The following WDR7 variants were observed in gnomAD, a reference collection of about 807,000 sequenced individuals.
The protein encoded by WDR7 is WD repeat-containing protein 7.
Under a neutral mutation model 169.4 loss-of-function variants are expected in WDR7, and 46 were observed. That is an observed-to-expected ratio of 0.27 (90% CI 0.21 to 0.35). The LOEUF (loss-of-function observed/expected upper bound fraction) is 0.35. WDR7 is among the 10% of genes least tolerant of loss of function. The pLI, the probability that WDR7 is intolerant of heterozygous loss-of-function variation, is 1.00. For synonymous variants in WDR7, 612 were observed against 666.8 expected (o/e 0.92, Z 1.27); for missense variants, 1,534 against 1,859.3 (o/e 0.83, Z 3.22).
At chr18:56,868,248 T>G (rs1488255610) in intron 20 of WDR7, among the ~76,000 whole-genome samples, 2 of 152,144 alleles carry the variant, frequency 1.3e-5, no homozygotes, top group Non-Finnish European at 2.9e-5. Context: ...TAGTCACATG[T>G]CATTGTTTTA....
At chr18:56,999,321 G>GA (rs1244544161) in intron 26 of WDR7, among the ~76,000 whole-genome samples, 4 of 152,122 alleles carry the variant, frequency 2.6e-5, no homozygotes, top group Non-Finnish European at 4.4e-5. Context: ...ATATAGAAAA[G>GA]TTAAATTTGT....
At chr18:56,958,245 G>C (rs541079490) in intron 25 of WDR7, among the ~76,000 whole-genome samples, 2 of 152,206 alleles carry the variant, frequency 1.3e-5, no homozygotes, top group African/African-American at 4.8e-5. Context: ...ACCCCACTGT[G>C]GGTTGCTCCT....
At chr18:56,687,023 T>C (rs531972875) in intron 7 of WDR7, 49 bp downstream of exon 7, 8 of 1,527,178 alleles carry the variant, frequency 5.2e-6, no homozygotes, top group African/African-American at 4.2e-5. Context: ...CTTCAAGACA[T>C]TGGTTTATCA....
At chr18:56,783,906 C>T (rs1411245873) in intron 19 of WDR7, among the ~76,000 whole-genome samples, 1 of 152,150 alleles carries the variant, frequency 6.6e-6, no homozygotes, top group African/African-American at 2.4e-5. Flanking sequence ...CCACAAATTA[C>T]TCCCTGAAGC....
chr18:56,976,603 C>A (rs2047569034), intron 26 of WDR7, among the ~76,000 whole-genome samples: 1 of 152,346 alleles, frequency 6.6e-6, no homozygotes, highest in African/African-American at 2.4e-5. Flanking sequence ...ATCTCAGCCT[C>A]TTTGGCAGGA....
chr18:56,725,439 T>C (rs7505221), intron 13 of WDR7, among the ~76,000 whole-genome samples: 143,893 of 151,766 alleles, frequency 0.95, 68,693 homozygotes, highest in East Asian at 1. Context: ...CTGTTGGCTG[T>C]ATAAATGTCT....
At chr18:56,822,808 GT>G (rs1311778944) in intron 20 of WDR7, among the ~76,000 whole-genome samples, 1 of 151,954 alleles carries the variant, frequency 6.6e-6, no homozygotes, top group Admixed American at 6.6e-5. Flanking sequence ...TATGGTTTTT[GT>G]TTTTTAACTC....
intron 26 of WDR7, among the ~76,000 whole-genome samples, chr18:56,967,504 C>T (rs1297462556): frequency 6.6e-6 from 1 of 152,054 alleles, no homozygotes; most frequent in African/African-American, 2.4e-5. Flanking sequence ...GACTCCTTAG[C>T]GGTCCAGGCA....
chr18:56,872,499 T>TA (rs1010097671), intron 20 of WDR7, among the ~76,000 whole-genome samples: 2 of 152,208 alleles, frequency 1.3e-5, no homozygotes, highest in Non-Finnish European at 2.9e-5. Flanking sequence ...TGAAGACAAT[T>TA]ACGTACATTT....
chr18:56,694,922 T>G (rs1278462211), intron 10 of WDR7, 28 bp from the exon 11 acceptor site: 1 of 1,576,076 alleles, frequency 6.3e-7, no homozygotes, highest in Non-Finnish European at 8.6e-7. Flanking sequence ...CAAATGTTTT[T>G]CTTTTATACA....
chr18:56,827,514 C>G (rs1276023577), intron 20 of WDR7, among the ~76,000 whole-genome samples: 1 of 151,926 alleles, frequency 6.6e-6, no homozygotes, highest in African/African-American at 2.4e-5. Flanking sequence ...ACTCATGGAC[C>G]TATGTCCATG....
chr18:56,936,109 T>C, intron 23 of WDR7: 1 of 491,030 alleles, frequency 2.0e-6, no homozygotes, highest in South Asian at 3.9e-5. Flanking sequence ...CTTCTGCTTC[T>C]GTATTCATTT....
chr18:56,796,835 A>G (rs2044592759), intron 19 of WDR7, among the ~76,000 whole-genome samples: 1 of 152,210 alleles, frequency 6.6e-6, no homozygotes, highest in East Asian at 1.9e-4. Flanking sequence ...GTCACCTTAA[A>G]TTAAAATCAC....
chr18:56,662,812 A>ACATT (rs2024934034), intron 1 of WDR7, among the ~76,000 whole-genome samples: 1 of 152,252 alleles, frequency 6.6e-6, no homozygotes, highest in African/African-American at 2.4e-5. Context: ...CAGATATGGA[A>ACATT]CATTCTACAA....
intron 13 of WDR7, among the ~76,000 whole-genome samples, chr18:56,720,881 A>T (rs540233526): frequency 6.6e-6 from 1 of 152,162 alleles, no homozygotes; most frequent in Non-Finnish European, 1.5e-5. Context: ...GATAAATGCT[A>T]TAGAGAAGCT....
intron 14 of WDR7, among the ~76,000 whole-genome samples, chr18:56,746,688 A>G (rs2043709433): frequency 6.6e-6 from 1 of 152,190 alleles, no homozygotes; most frequent in Non-Finnish European, 1.5e-5. Flanking sequence ...TTATATTGCT[A>G]TCCTAGTACT....
chr18:56,982,844 C>G (rs903155685), intron 26 of WDR7, among the ~76,000 whole-genome samples: 1 of 152,224 alleles, frequency 6.6e-6, no homozygotes, highest in African/African-American at 2.4e-5. Flanking sequence ...TCAGCAGATG[C>G]TCTCTAAACA....
chr18:56,926,020 G>A (rs1330627430), intron 22 of WDR7, among the ~76,000 whole-genome samples: 2 of 152,172 alleles, frequency 1.3e-5, no homozygotes, highest in East Asian at 3.8e-4. Context: ...CTTCCTATGT[G>A]GCAGAAGTAC....
At chr18:56,700,202 A>G (rs2013827) in intron 12 of WDR7, among the ~76,000 whole-genome samples, 136,075 of 148,898 alleles carry the variant, frequency 0.91, 63,367 homozygotes, top group Non-Finnish European at 1. Context: ...ATTTTGTGTT[A>G]AAGGATTTTG....
Sources: allele counts gnomAD v4.1 joint callset (sites outside exome capture counted in the v4.1 genomes callset), GRCh38; gene constraint gnomAD v4.1.1; transcripts MANE v1.5; gene names NCBI Gene and HGNC (gene_info 2026-07-23, HGNC 2026-07-21).